Variants in OXR1 observed in about 807,000 individuals in gnomAD.
OXR1 encodes the protein oxidation resistance 1, also known as oxidation resistance protein 1.
A neutral mutation model predicts 104.6 loss-of-function variants in OXR1; 41 were observed. That is an observed-to-expected ratio of 0.39 (90% CI 0.31 to 0.51). The LOEUF (loss-of-function observed/expected upper bound fraction) is 0.51, where lower values mean the gene tolerates loss of function less well. Ranked by LOEUF, OXR1 falls within the 20% of genes least tolerant of loss-of-function variation. OXR1 has a pLI of 0.77. For missense variants in OXR1, 955 were observed against 1,031.9 expected (o/e 0.93, Z 1.02); for synonymous variants, 348 against 348.4 (o/e 1.00, Z 0.01).
At chr8:106,335,325 G>A (rs1344427150) in intron 1 of OXR1, among the ~76,000 whole-genome samples, 1 of 151,746 alleles carries the variant, frequency 6.6e-6, no homozygotes, top group Admixed American at 6.6e-5. Flanking sequence ...GTTGATTTAC[G>A]GGTCTGCCAC....
At chr8:106,511,195 G>A (rs969541188) in intron 2 of OXR1, among the ~76,000 whole-genome samples, 1 of 152,136 alleles carries the variant, frequency 6.6e-6, no homozygotes, top group African/African-American at 2.4e-5. Flanking sequence ...TTTAGCTGCT[G>A]ATTTTTAGTC....
At chr8:106,552,830 A>G (rs1404949199) in intron 3 of OXR1, among the ~76,000 whole-genome samples, 2 of 152,208 alleles carry the variant, frequency 1.3e-5, no homozygotes, top group Admixed American at 1.3e-4. Flanking sequence ...TTCTCTTAAC[A>G]ATAGTGACAT....
chr8:106,388,736 G>C (rs1411745894), intron 2 of OXR1, among the ~76,000 whole-genome samples: 1 of 152,082 alleles, frequency 6.6e-6, no homozygotes, highest in African/African-American at 2.4e-5. Context: ...AGTTCTTTAA[G>C]TTGAGCTTCA....
At chr8:106,388,881 C>T (rs10108813) in intron 2 of OXR1, among the ~76,000 whole-genome samples, 97,126 of 151,682 alleles carry the variant, frequency 0.64, 31,297 homozygotes, top group Middle Eastern at 0.67. Flanking sequence ...CTTCAGTAGA[C>T]GTCCTCTGTG....
intron 2 of OXR1, among the ~76,000 whole-genome samples, chr8:106,517,950 G>A (rs1812967872): frequency 6.6e-6 from 1 of 152,074 alleles, no homozygotes; most frequent in African/African-American, 2.4e-5. Context: ...GGTTAATTAT[G>A]AATAACCCTC....
At chr8:106,535,087 C>A (rs974384686) in intron 3 of OXR1, among the ~76,000 whole-genome samples, 1 of 152,142 alleles carries the variant, frequency 6.6e-6, no homozygotes, top group Non-Finnish European at 1.5e-5. Context: ...CTCAGCCCCC[C>A]AAGTAGCTGA....
chr8:106,674,795 A>G (rs1453394777), intron 3 of OXR1, among the ~76,000 whole-genome samples: 1 of 152,114 alleles, frequency 6.6e-6, no homozygotes. Context: ...AGTGTTTGGT[A>G]GTTCCTCCTG....
chr8:106,421,106 T>C (rs752441303), intron 2 of OXR1, among the ~76,000 whole-genome samples: 7 of 152,096 alleles, frequency 4.6e-5, no homozygotes, highest in Non-Finnish European at 7.4e-5. Flanking sequence ...AAAATAGAAT[T>C]ATTAAGATAA....
At chr8:106,702,112 G>A (rs1200440840) in intron 7 of OXR1, among the ~76,000 whole-genome samples, 1 of 152,166 alleles carries the variant, frequency 6.6e-6, no homozygotes, top group Non-Finnish European at 1.5e-5. Context: ...TGGGATTACA[G>A]GCACATGCCA....
At chr8:106,651,396 T>C (rs914416010) in intron 3 of OXR1, among the ~76,000 whole-genome samples, 1 of 152,226 alleles carries the variant, frequency 6.6e-6, no homozygotes, top group African/African-American at 2.4e-5. Context: ...TTTTAAGTCA[T>C]ACACTTATGT....
At chr8:106,632,584 A>G (rs1273284883) in intron 3 of OXR1, among the ~76,000 whole-genome samples, 1 of 152,178 alleles carries the variant, frequency 6.6e-6, no homozygotes, top group African/African-American at 2.4e-5. Context: ...CAGGCACTCA[A>G]AAGAGGGGAA....
At chr8:106,541,019 C>G (rs542324199) in intron 3 of OXR1, among the ~76,000 whole-genome samples, 7 of 152,268 alleles carry the variant, frequency 4.6e-5, no homozygotes, top group African/African-American at 1.7e-4. Flanking sequence ...GATTTAAATC[C>G]AGGCTTACCA....
At chr8:106,434,445 G>T (rs973602068) in intron 2 of OXR1, among the ~76,000 whole-genome samples, 1 of 152,186 alleles carries the variant, frequency 6.6e-6, no homozygotes, top group Non-Finnish European at 1.5e-5. Context: ...TAATTCTAGA[G>T]TATAGTATGG....
rs147523253 is a variant in OXR1 at position 106,286,875 on chromosome 8, A to T, written c.-139+16508A>T. Among the ~76,000 whole-genome samples the T allele has an allele frequency of 3.8e-3, 585 of 152,330 alleles. 4 individuals are homozygous for T. Among genetic ancestry groups the T allele is most frequent in the African/African-American group, 0.013 (540 of 41,578 alleles). Reference sequence around the variant, plus strand: ...AAGATTAGAGGGACAATCAGTAAAAATAATAAAAGACAAATTATCTTGTCA... The same window carrying T: ...AAGATTAGAGGGACAATCAGTAAAATTAATAAAAGACAAATTATCTTGTCA... On this transcript the variant is annotated intron_variant, in intron 1 of 16. Coordinates refer to ENST00000517566, the MANE Select transcript of OXR1 (RefSeq NM_001198533.2).
chr8:106,525,645 G>C (rs935036539), intron 3 of OXR1, among the ~76,000 whole-genome samples: 1 of 152,086 alleles, frequency 6.6e-6, no homozygotes, highest in Non-Finnish European at 1.5e-5. Context: ...GCCTTTCCTC[G>C]GCAGGGCTCC....
At chr8:106,459,779 TATTGCATCA>T (rs1820806200) in intron 2 of OXR1, among the ~76,000 whole-genome samples, 2 of 152,252 alleles carry the variant, frequency 1.3e-5, no homozygotes, top group African/African-American at 4.8e-5. Context: ...TTGTGTTTCC[TATTGCATCA>T]GCTGCCACAC....
intron 1 of OXR1, among the ~76,000 whole-genome samples, chr8:106,337,450 A>G (rs547945438): frequency 2.6e-5 from 4 of 152,166 alleles, no homozygotes; most frequent in Non-Finnish European, 4.4e-5. Context: ...TCCTTGTTTC[A>G]CGAATAGAGA....
rs1237437747 is a variant in OXR1 at position 106,706,266 on chromosome 8, G to A, written c.861-116G>A. 5 of 627,532 alleles carry A rather than the reference G, an allele frequency of 8.0e-6. No individual in the cohort carries two copies. In the Admixed American group the frequency reaches 1.8e-4, roughly 23 times the overall value. 38.9% of individuals were successfully genotyped at this position (627,532 alleles called of 1,614,324 possible). A position where few individuals can be genotyped will look rare whatever the true frequency, so the allele number is the denominator to read the frequency against. On this transcript the variant is annotated intron_variant, in intron 8 of 16. Coordinates refer to ENST00000517566, the MANE Select transcript of OXR1 (RefSeq NM_001198533.2). ...TTTTTTATATTCTTTGGAGATACGT[G>A]CTACATCCTTTTGTTAAAAAGTCTT...
At chr8:106,465,827 A>T (rs1204518068) in intron 2 of OXR1, among the ~76,000 whole-genome samples, 1 of 152,012 alleles carries the variant, frequency 6.6e-6, no homozygotes, top group Non-Finnish European at 1.5e-5. Flanking sequence ...ACATAATGGC[A>T]GGATACTATT....
Sources: gnomAD v4.1 joint callset for allele counts (sites outside exome capture counted in the v4.1 genomes callset) on GRCh38, gnomAD v4.1.1 for gene constraint, MANE v1.5 for transcripts, NCBI Gene and HGNC (gene_info 2026-07-23, HGNC 2026-07-21) for gene names.